The following CLYBL variants were observed in gnomAD, a reference collection of about 807,000 sequenced individuals.
CLYBL encodes citramalyl-CoA lyase, mitochondrial.
Under a neutral mutation model 38.9 loss-of-function variants are expected in CLYBL, and 31 were observed. The observed-to-expected ratio is 0.80, with a 90% confidence interval of 0.60 to 1.08. The LOEUF (loss-of-function observed/expected upper bound fraction) is 1.08. Ranked by LOEUF, CLYBL falls within the 50% of genes least tolerant of loss-of-function variation. The pLI, the probability that CLYBL is intolerant of heterozygous loss-of-function variation, is 0.00. For missense variants in CLYBL, 434 were observed against 411.6 expected, an observed-to-expected ratio of 1.05 and a Z score of -0.47; for synonymous variants, 171 against 158.6, an observed-to-expected ratio of 1.08 and a Z score of -0.59.
intron 1 of CLYBL, among the ~76,000 whole-genome samples, chr13:99,664,107 A>C (rs973699224): frequency 6.6e-6 from 1 of 152,166 alleles, no homozygotes; most frequent in Non-Finnish European, 1.5e-5. Context: ...ATGGATTATA[A>C]CTCTTGACCG....
intron 1 of CLYBL, among the ~76,000 whole-genome samples, chr13:99,741,148 T>G (rs2048747849): frequency 6.6e-6 from 1 of 152,198 alleles, no homozygotes; most frequent in South Asian, 2.1e-4. Context: ...CTAAAAGAAG[T>G]ACTTACAGAT....
chr13:99,768,910 T>C (rs2049327001), intron 1 of CLYBL, among the ~76,000 whole-genome samples: 1 of 152,178 alleles, frequency 6.6e-6, no homozygotes, highest in Non-Finnish European at 1.5e-5. Flanking sequence ...GTCTTTAATG[T>C]CTGGCTTCTA....
chr13:99,633,729 G>C (rs570725918), intron 1 of CLYBL, among the ~76,000 whole-genome samples: 21 of 152,114 alleles, frequency 1.4e-4, no homozygotes, highest in African/African-American at 4.8e-4. Flanking sequence ...TGAAAATTGT[G>C]AATTTTATGA....
In CLYBL at chr13:99,764,165, T is replaced by G. The variant is rs375779733; in HGVS notation, c.63-8659T>G. 7.4e-4 allele frequency among the ~76,000 whole-genome samples: 112 copies of G among 152,118 alleles called. 2 individuals are homozygous for G. The highest frequency in any genetic ancestry group is 2.6e-3 in the African/African-American group (108 of 41,510). On this transcript the variant is annotated intron_variant, in intron 1 of 8. Transcript: ENST00000339105. ...CCTTGATCTGCTAGGCTCAAGGGAT[T>G]CTCTGCCTCAGCCACCCAAGTAGCT... is the stretch of plus-strand genomic sequence containing the variant.
chr13:99,717,436 G>GAAAAAAAAAAAAAAAAAAAAAAAA (rs1172721313), intron 1 of CLYBL, among the ~76,000 whole-genome samples: 2 of 91,084 alleles, frequency 2.2e-5, no homozygotes, highest in African/African-American at 4.0e-5. Context: ...AAAAAAATTA[G>GAAAAAAAAAAAAAAAAAAAAAAAA]AAAAAAAAAA....
At chr13:99,695,950 G>C (rs949500551) in intron 1 of CLYBL, among the ~76,000 whole-genome samples, 1 of 152,198 alleles carries the variant, frequency 6.6e-6, no homozygotes, top group Non-Finnish European at 1.5e-5. Flanking sequence ...ACAGTACTCA[G>C]TAGGACAAGG....
chr13:99,763,575 A>T, intron 1 of CLYBL, among the ~76,000 whole-genome samples: 2 of 137,490 alleles, frequency 1.5e-5, no homozygotes, highest in Non-Finnish European at 3.1e-5. Context: ...TTTTTACTAG[A>T]CAGAGTCTTG....
intron 1 of CLYBL, among the ~76,000 whole-genome samples, chr13:99,610,738 T>TG (rs1317078532): frequency 1.3e-5 from 2 of 152,160 alleles, no homozygotes; most frequent in African/African-American, 4.8e-5. Context: ...GCCCTGCACA[T>TG]GTGCGTGGCC....
intron 1 of CLYBL, among the ~76,000 whole-genome samples, chr13:99,619,854 A>G (rs1594086153): frequency 6.6e-6 from 1 of 152,236 alleles, no homozygotes; most frequent in South Asian, 2.1e-4. Flanking sequence ...AATAAAAAGT[A>G]TATAGCTTTT....
At chr13:99,762,847 G>C (rs2049191395) in intron 1 of CLYBL, among the ~76,000 whole-genome samples, 1 of 151,936 alleles carries the variant, frequency 6.6e-6, no homozygotes, top group South Asian at 2.1e-4. Flanking sequence ...TTCTTTCATT[G>C]GTGTTTTATA....
At chr13:99,610,245 T>A (rs2046605626) in intron 1 of CLYBL, among the ~76,000 whole-genome samples, 2 of 152,240 alleles carry the variant, frequency 1.3e-5, no homozygotes, top group Admixed American at 1.3e-4. Context: ...TTTTTGAACA[T>A]ACTTTAAATA....
chr13:99,730,036 C>T (rs61974415), intron 1 of CLYBL, among the ~76,000 whole-genome samples: 3,239 of 142,194 alleles, frequency 0.023, 54 homozygotes, highest in Middle Eastern at 0.098. Context: ...CCCACATCAG[C>T]GTGGCCGGTG....
intron 1 of CLYBL, among the ~76,000 whole-genome samples, chr13:99,620,778 A>AAAAG (rs753874414): frequency 2.0e-5 from 3 of 151,406 alleles, no homozygotes; most frequent in Admixed American, 2.0e-4. Context: ...CTGTCTCAAA[A>AAAAG]AAAGAAAGAA....
At chr13:99,693,097 C>G (rs556463187) in intron 1 of CLYBL, among the ~76,000 whole-genome samples, 1 of 152,232 alleles carries the variant, frequency 6.6e-6, no homozygotes, top group African/African-American at 2.4e-5. Flanking sequence ...AGTGGAATTG[C>G]TGGGTCTTAT....
intron 1 of CLYBL, among the ~76,000 whole-genome samples, chr13:99,621,503 T>C (rs1215410422): frequency 1.3e-5 from 2 of 152,232 alleles, no homozygotes; most frequent in Non-Finnish European, 2.9e-5. Flanking sequence ...GAACTCCCAG[T>C]GGTCTTTGAT....
intron 1 of CLYBL, among the ~76,000 whole-genome samples, chr13:99,670,198 T>TA (rs1005521667): frequency 1.2e-4 from 18 of 147,454 alleles, no homozygotes; most frequent in African/African-American, 3.2e-4. Flanking sequence ...AACTCCATCT[T>TA]AAAAAAAAAA....
rs71121010 is a variant in CLYBL, at chr13:99,784,449, C to CTCTTGTTTTTTT, written c.249+11440_249+11441insCTTGTTTTTTTT. On this transcript the variant is annotated intron_variant, in intron 2 of 8. Transcript: ENST00000339105. Reference sequence around the variant, plus strand: ...TTCCTCTGCTTCTGGAAAATTCTCTCTTTTTTTTTTTTTTTTTTTTTTTGA... The same window carrying CTCTTGTTTTTTT: ...TTCCTCTGCTTCTGGAAAATTCTCTCTCTTGTTTTTTTTTTTTTTTTTTTTTTTTTTTTTTGA... Among the ~76,000 whole-genome samples the CTCTTGTTTTTTT allele has an allele frequency of 1.8e-3, 95 of 52,106 alleles. 3 individuals carry two copies. The highest frequency in any genetic ancestry group is 3.6e-3 in the Admixed American group (13 of 3,612). 34.2% of individuals were successfully genotyped at this position (52,106 alleles called of 152,430 possible). A position where few individuals can be genotyped will look rare whatever the true frequency, so the allele number is the denominator to read the frequency against.
intron 7 of CLYBL, among the ~76,000 whole-genome samples, chr13:99,875,881 C>T (rs1385458970): frequency 6.6e-6 from 1 of 152,096 alleles, no homozygotes; most frequent in Non-Finnish European, 1.5e-5. Flanking sequence ...TATTTCCCTG[C>T]TCATTTAACA....
At chr13:99,900,590 T>C (rs1231073473), downstream of CLYBL, among the ~76,000 whole-genome samples, 1 of 152,126 alleles carries the variant, frequency 6.6e-6, no homozygotes, top group Non-Finnish European at 1.5e-5. Flanking sequence ...GTTGTGCAAC[T>C]ATTGGACCTG....
Sources: allele counts gnomAD v4.1 joint callset (sites outside exome capture counted in the v4.1 genomes callset), GRCh38; gene constraint gnomAD v4.1.1; transcripts MANE v1.5; gene names NCBI Gene and HGNC (gene_info 2026-07-23, HGNC 2026-07-21).